YIF1B: variants seen among roughly 807,000 people sequenced by gnomAD.
The protein encoded by YIF1B is protein YIF1B.
YIF1B carries 24 observed loss-of-function variants against 34.6 expected under a neutral mutation model. The observed-to-expected ratio is 0.69, with a 90% confidence interval of 0.50 to 0.98. The LOEUF (loss-of-function observed/expected upper bound fraction) is 0.98, where lower values mean the gene tolerates loss of function less well. Ranked by LOEUF, YIF1B falls within the 50% of genes least tolerant of loss-of-function variation. The pLI is 0.00. For synonymous variants in YIF1B, 186 were observed against 184.8 expected (o/e 1.01, Z -0.05); for missense variants, 368 against 429.4 (o/e 0.86, Z 1.26).
Position 38,305,413 on chromosome 19 carries a change from A to G in YIF1B, c.884T>C (p.Met295Thr), listed in dbSNP as rs775630405. 1.2e-6 allele frequency: 2 copies of G among 1,610,686 alleles called. No homozygotes were observed. Among genetic ancestry groups the G allele is most frequent in the South Asian group, 2.2e-5 (2 of 90,978 alleles). ...CATAGGCTGCGCCGCCGCCACCGCC[A>G]TGGTCAGGTACATGCGCAGCTGGTT... ...ARNQLRMYLT[M>T]AVAAAQPMLM... Residue 295 changes from methionine (M) to threonine (T), a missense_variant, in exon 8 of 8, where the codon ATG becomes ACG. By Grantham distance (81) the Met-to-Thr change is moderately conservative (BLOSUM62 -1). Around this residue, in one of 3 missense-constraint regions of YIF1B, gnomAD observed 208 missense variants for 247.8 expected, o/e 0.84. Transcript: ENST00000339413.
At chr19:38,306,266 C>A (rs1029572451) in intron 7 of YIF1B, among the ~76,000 whole-genome samples, 1 of 150,006 alleles carries the variant, frequency 6.7e-6, no homozygotes, top group Admixed American at 6.7e-5. Flanking sequence ...GGCTTGACTG[C>A]AGTGGCGTGA....
chr19:38,313,006 C>A (rs956803604), intron 1 of YIF1B, among the ~76,000 whole-genome samples: 13 of 152,088 alleles, frequency 8.5e-5, no homozygotes, highest in African/African-American at 3.1e-4. Context: ...GGCTGGAGTG[C>A]AATGGTGCGA....
intron 7 of YIF1B, among the ~76,000 whole-genome samples, chr19:38,306,194 CTCTG>C (rs1969022239): frequency 8.1e-6 from 1 of 123,228 alleles, no homozygotes; most frequent in Non-Finnish European, 1.6e-5. Flanking sequence ...CAGAGCGAGA[CTCTG>C]TCTCACAAAA....
chr19:38,305,133 A>T lies in YIF1B; in HGVS notation c.*219T>A. ...GTCCACGCCATGCCCATCAGGGTTT[A>T]TTGTTTCTGTAACAGCGGCCACGCC... On this transcript the variant is annotated 3_prime_UTR_variant, in exon 8 of 8. Coordinates refer to ENST00000339413, the MANE Select transcript of YIF1B (RefSeq NM_001039672.3). The T allele has an allele frequency of 7.1e-7, 1 of 1,415,992 alleles. No homozygotes were observed. The highest frequency in any genetic ancestry group is 9.4e-7 in the Non-Finnish European group (1 of 1,066,288). The allele number at this position is 1,415,992 out of a possible 1,614,324, so 87.7% of individuals were successfully genotyped here. A position where few individuals can be genotyped will look rare whatever the true frequency, so the allele number is the denominator to read the frequency against.
At chr19:38,311,054 T>C (rs1969308712) in intron 1 of YIF1B, among the ~76,000 whole-genome samples, 1 of 151,740 alleles carries the variant, frequency 6.6e-6, no homozygotes, top group Non-Finnish European at 1.5e-5. Context: ...AGGGTTAGAG[T>C]AGGCACTTGA....
rs1568350744 is a variant in YIF1B, at chr19:38,304,931, G to GGAGAAGGGCAAGAAA, written c.*420_*421insTTTCTTGCCCTTCTC. ...TGAAGAAGAAGGAGAAGGGCAAGAA[G>GGAGAAGGGCAAGAAA]GAGAAGGGCAAGAAGAAGGAGGCTC... On this transcript the variant is annotated 3_prime_UTR_variant, in exon 8 of 8. Coordinates refer to ENST00000339413, the MANE Select transcript of YIF1B (RefSeq NM_001039672.3). 6.2e-7 allele frequency: 1 copy of GGAGAAGGGCAAGAAA among 1,612,174 alleles called. No homozygotes were observed. Among genetic ancestry groups the GGAGAAGGGCAAGAAA allele is most frequent in the East Asian group, 2.2e-5 (1 of 44,802 alleles).
intron 1 of YIF1B, among the ~76,000 whole-genome samples, chr19:38,314,067 C>T (rs1413601824): frequency 6.6e-6 from 1 of 152,080 alleles, no homozygotes; most frequent in Non-Finnish European, 1.5e-5. Context: ...CGCTCGTTGC[C>T]TAGGCTGGAG....
intron 1 of YIF1B, among the ~76,000 whole-genome samples, chr19:38,310,570 T>TCTCAAAAGCTA (rs1969288753): frequency 6.6e-6 from 1 of 152,040 alleles, no homozygotes; most frequent in African/African-American, 2.4e-5. Flanking sequence ...ATGATGATTA[T>TCTCAAAAGCTA]CTCAAAAGCT....
upstream of YIF1B, among the ~76,000 whole-genome samples, chr19:38,321,797 A>G (rs1223955172): frequency 2.0e-5 from 3 of 152,130 alleles, no homozygotes; most frequent in African/African-American, 4.8e-5. Flanking sequence ...CCTGCTTCTG[A>G]GCTTCCCTGG....
rs1484937072 is a variant in YIF1B, at chr19:38,309,391, C to G, written c.297+14G>C. 1.2e-6 allele frequency: 2 copies of G among 1,612,454 alleles called. No homozygotes were observed. Among genetic ancestry groups the G allele is most frequent in the East Asian group, 4.5e-5 (2 of 44,848 alleles). On this transcript the variant is annotated intron_variant, in intron 2 of 7. Coordinates refer to ENST00000339413, the MANE Select transcript of YIF1B (RefSeq NM_001039672.3). Reference sequence around the variant, plus strand: ...CCGTGCATCCCCCCACTCCCACCAGCCCCGCCCACTCACGTTCTTATCCAC... The same window carrying G: ...CCGTGCATCCCCCCACTCCCACCAGGCCCGCCCACTCACGTTCTTATCCAC...
At chr19:38,307,803 C>A (rs753312975) in intron 5 of YIF1B, 51 bp from the exon 6 acceptor site, 1 of 1,599,476 alleles carries the variant, frequency 6.3e-7, no homozygotes, top group African/African-American at 1.3e-5. Context: ...ACCCCCCACC[C>A]CCAGCACCCA....
chr19:38,308,895 G>T lies in YIF1B; in HGVS notation c.482-46C>A, dbSNP rs778971418. 21 of 1,613,376 alleles carry T rather than the reference G, an allele frequency of 1.3e-5. No individual in the cohort carries two copies. The South Asian group carries it at 2.1e-4, about 16-fold the overall frequency. ...GACACTGGTCACCAGAGGAAGAACTGCCCTGGGCCTCCAGGCACCCACACA... is the reference window on the plus strand; with the variant it reads ...GACACTGGTCACCAGAGGAAGAACTTCCCTGGGCCTCCAGGCACCCACACA... On this transcript the variant is annotated intron_variant, in intron 4 of 7. Transcript: ENST00000339413.
In YIF1B at chr19:38,304,199, CT is replaced by C; in HGVS notation, c.*1152del. ...CGGGCAGGTCTCAGCGCTCCTCCCC[CT>C]GCTCCGCTCCTCTGCAGGGCCCAGG... On this transcript the variant is annotated 3_prime_UTR_variant, in exon 8 of 8. Coordinates refer to ENST00000339413, the MANE Select transcript of YIF1B (RefSeq NM_001039672.3). 1 of 1,602,686 alleles carries C rather than the reference CT, an allele frequency of 6.2e-7. No homozygotes were observed. Among genetic ancestry groups the C allele is most frequent in the South Asian group, 1.1e-5 (1 of 90,008 alleles).
chr19:38,307,155 A>T, intron 7 of YIF1B: 1 of 528,466 alleles, frequency 1.9e-6, no homozygotes, highest in Non-Finnish European at 3.6e-6. Flanking sequence ...CCATGTAAGG[A>T]GAGTGGAATG....
chr19:38,316,543 T>C (rs577447472), upstream of YIF1B, among the ~76,000 whole-genome samples: 3 of 152,250 alleles, frequency 2.0e-5, no homozygotes, highest in South Asian at 6.2e-4. Context: ...TGCAGTTCTC[T>C]GCAGACAGCC....
upstream of YIF1B, among the ~76,000 whole-genome samples, chr19:38,318,882 G>A (rs58490212): frequency 4.7e-3 from 715 of 152,218 alleles, 4 homozygotes; most frequent in African/African-American, 0.017. Flanking sequence ...ACGGGGGGGC[G>A]CAGAAAGAAA....
upstream of YIF1B, chr19:38,316,032 C>T: frequency 2.3e-6 from 3 of 1,322,842 alleles, no homozygotes; most frequent in Non-Finnish European, 2.9e-6. Context: ...AAGGCCTCGC[C>T]CCCACCCCCC....
In YIF1B at chr19:38,315,517, G is replaced by C. The variant is rs923887177; in HGVS notation, c.58+343C>G. 40 of 1,403,424 alleles carry C rather than the reference G, an allele frequency of 2.9e-5. 1 individual carries two copies. The African/African-American group carries it at 5.5e-4, about 19-fold the overall frequency. 86.9% of individuals were successfully genotyped at this position (1,403,424 alleles called of 1,614,324 possible). A position where few individuals can be genotyped will look rare whatever the true frequency, so the allele number is the denominator to read the frequency against. ...GCATGGCCCTCTGCGCTCCCGGGGGGCCACGAAGCTGTCCTAAGGGTGTGG... is the reference window on the plus strand; with the variant it reads ...GCATGGCCCTCTGCGCTCCCGGGGGCCCACGAAGCTGTCCTAAGGGTGTGG... On this transcript the variant is annotated intron_variant, in intron 1 of 7. Coordinates refer to ENST00000339413, the MANE Select transcript of YIF1B (RefSeq NM_001039672.3).
At position 38,307,256 on chromosome 19, in the gene YIF1B, C is replaced by A; in HGVS notation, c.789+172G>T. On this transcript the variant is annotated intron_variant, in intron 7 of 7. Coordinates refer to ENST00000339413, the MANE Select transcript of YIF1B (RefSeq NM_001039672.3). ...TCTCCTCTTCCAGGGCTCAGGATAC[C>A]CCCTCTTCCAGGAAGCCCTCCTGAC... 4 of 662,774 alleles carry A rather than the reference C, an allele frequency of 6.0e-6. No individual in the cohort carries two copies. In the South Asian group the frequency reaches 7.5e-5, roughly 12 times the overall value. The allele number at this position is 662,774 out of a possible 1,614,324, so 41.1% of individuals were successfully genotyped here.
Sources: allele counts gnomAD v4.1 joint callset (sites outside exome capture counted in the v4.1 genomes callset), GRCh38; gene constraint gnomAD v4.1.1; regional missense constraint gnomAD v4.1.1; transcripts MANE v1.5; gene names NCBI Gene and HGNC (gene_info 2026-07-23, HGNC 2026-07-21).